ABCC1: variants seen among roughly 807,000 people sequenced by gnomAD.
The protein encoded by ABCC1 is multidrug resistance-associated protein 1.
A neutral mutation model predicts 172.9 loss-of-function variants in ABCC1; 83 were observed. The observed-to-expected ratio is 0.48, with a 90% CI of 0.40 to 0.58. The LOEUF is 0.58. Among genes scored for constraint, ABCC1 ranks in the 20% least tolerant of loss-of-function variants. The pLI is 0.00. For missense variants in ABCC1, 1,817 were observed against 2,002.7 expected (o/e 0.91, Z 1.77); for synonymous variants, 937 against 825.2 (o/e 1.14, Z -2.32).
intron 1 of ABCC1, among the ~76,000 whole-genome samples, chr16:15,958,169 A>G (rs1352685144): frequency 6.6e-6 from 1 of 151,888 alleles, no homozygotes; most frequent in Non-Finnish European, 1.5e-5. Context: ...GCAGTAGTGG[A>G]ATCTCGGCTC....
intron 10 of ABCC1, among the ~76,000 whole-genome samples, chr16:16,050,201 A>G (rs924760860): frequency 4.6e-5 from 7 of 152,110 alleles, no homozygotes; most frequent in African/African-American, 1.7e-4. Context: ...GAAATGGCTC[A>G]TGCTTGTGAT....
At chr16:16,136,376 A>G in intron 28 of ABCC1, 102 bp from the exon 29 acceptor site, 1 of 1,299,454 alleles carries the variant, frequency 7.7e-7, no homozygotes, top group African/African-American at 1.5e-5. Context: ...GAGCTCTGAT[A>G]CCCCACCTTC....
At chr16:16,055,581 A>C (rs1348055805) in intron 11 of ABCC1, among the ~76,000 whole-genome samples, 1 of 151,712 alleles carries the variant, frequency 6.6e-6, no homozygotes, top group East Asian at 1.9e-4. Flanking sequence ...GAAAACAGAG[A>C]AGAAAAACAC....
chr16:15,953,422 G>A (rs1185197796), intron 1 of ABCC1, among the ~76,000 whole-genome samples: 2 of 152,124 alleles, frequency 1.3e-5, no homozygotes, highest in African/African-American at 4.8e-5. Context: ...GCAGTATAGT[G>A]TGGTGGCTCA....
intron 1 of ABCC1, among the ~76,000 whole-genome samples, chr16:15,960,848 T>C (rs1335674704): frequency 6.6e-6 from 1 of 152,126 alleles, no homozygotes; most frequent in African/African-American, 2.4e-5. Flanking sequence ...GCCTGGAGCA[T>C]TCGGCAAAAT....
In ABCC1 at chr16:16,105,980, G is replaced by A. The variant is rs1412121432; in HGVS notation, c.2736-758G>A. Among the ~76,000 whole-genome samples, 3 of 151,220 alleles carry A rather than the reference G, an allele frequency of 2.0e-5. No homozygotes were observed. The Admixed American group carries it at 2.0e-4, about 10-fold the overall frequency. ...CAATTTCTGCCTCTGGGATTCAAGC[G>A]ATTCTCCTGCCTCAACCTCCCAAGT... On this transcript the variant is annotated intron_variant, in intron 20 of 30. Transcript: ENST00000399410.
At chr16:16,077,214 T>C (rs45482494) in intron 15 of ABCC1, among the ~76,000 whole-genome samples, 4,871 of 152,210 alleles carry the variant, frequency 0.032, 253 homozygotes, top group African/African-American at 0.11. Context: ...CTTTTAGAGG[T>C]TTAGCTCATG....
intron 27 of ABCC1, among the ~76,000 whole-genome samples, chr16:16,132,769 G>A (rs937268485): frequency 7.2e-5 from 11 of 151,926 alleles, no homozygotes; most frequent in Middle Eastern, 3.4e-3. Flanking sequence ...TGATCCACCC[G>A]CCTCAGCCTC....
At chr16:16,009,102 A>G (rs1195711215) in intron 2 of ABCC1, among the ~76,000 whole-genome samples, 3 of 151,838 alleles carry the variant, frequency 2.0e-5, no homozygotes, top group African/African-American at 7.3e-5. Flanking sequence ...GACTGCAGGC[A>G]TACACCACCA....
At chr16:16,025,204 A>T (rs774141674) in intron 5 of ABCC1, among the ~76,000 whole-genome samples, 4 of 152,140 alleles carry the variant, frequency 2.6e-5, no homozygotes, top group Non-Finnish European at 4.4e-5. Context: ...CCGTCTAATA[A>T]TAAGGATAAC....
chr16:16,128,016 G>A (rs560703796), intron 26 of ABCC1, among the ~76,000 whole-genome samples: 1 of 150,822 alleles, frequency 6.6e-6, no homozygotes, highest in South Asian at 2.1e-4. Flanking sequence ...CACCTCCTGG[G>A]TTCAAGTGAT....
chr16:15,982,332 G>C (rs1360960486), intron 1 of ABCC1, among the ~76,000 whole-genome samples: 1 of 152,026 alleles, frequency 6.6e-6, no homozygotes. Context: ...AGATTTAGTT[G>C]GCCCACAGTT....
At chr16:16,088,150 T>TGC (rs1280460048) in intron 18 of ABCC1, among the ~76,000 whole-genome samples, 2 of 151,306 alleles carry the variant, frequency 1.3e-5, no homozygotes, top group African/African-American at 2.4e-5. Context: ...TGTGTGTGTG[T>TGC]GCATGTATAT....
At chr16:16,078,572 C>T (rs1406046767) in intron 15 of ABCC1, among the ~76,000 whole-genome samples, 2 of 152,190 alleles carry the variant, frequency 1.3e-5, no homozygotes, top group South Asian at 2.1e-4. Context: ...TACCTCAGTG[C>T]CATCGCATCC....
chr16:15,989,302 G>C (rs1245456629), intron 1 of ABCC1, among the ~76,000 whole-genome samples: 1 of 152,106 alleles, frequency 6.6e-6, no homozygotes. Flanking sequence ...CAGCATGCCA[G>C]GGCGCGTCAC....
At chr16:16,000,413 G>T (rs557488179) in intron 1 of ABCC1, among the ~76,000 whole-genome samples, 3 of 151,952 alleles carry the variant, frequency 2.0e-5, no homozygotes, top group Non-Finnish European at 4.4e-5. Context: ...CCAAAGTGCC[G>T]GGATTACAGG....
intron 1 of ABCC1, among the ~76,000 whole-genome samples, chr16:15,987,369 C>T (rs1375662154): frequency 1.3e-5 from 2 of 152,116 alleles, no homozygotes; most frequent in East Asian, 3.8e-4. Context: ...GGAGCTGAAG[C>T]CCCATCTGCC....
intron 1 of ABCC1, among the ~76,000 whole-genome samples, chr16:15,964,575 C>T (rs1342266973): frequency 1.3e-5 from 2 of 151,780 alleles, no homozygotes; most frequent in Non-Finnish European, 2.9e-5. Flanking sequence ...CCAATGTATT[C>T]TTGTATTTTT....
chr16:15,978,627 C>T (rs1434303691), intron 1 of ABCC1, among the ~76,000 whole-genome samples: 1 of 152,036 alleles, frequency 6.6e-6, no homozygotes, highest in African/African-American at 2.4e-5. Context: ...TGGTTCAAGT[C>T]CTGATACAAG....
Sources: allele counts gnomAD v4.1 joint callset (sites outside exome capture counted in the v4.1 genomes callset), GRCh38; gene constraint gnomAD v4.1.1; transcripts MANE v1.5; gene names NCBI Gene and HGNC (gene_info 2026-07-23, HGNC 2026-07-21).